Variants in BCAS3 observed in about 807,000 individuals in gnomAD.
BCAS3 encodes the protein BCAS4/BCAS3 fusion.
In BCAS3, 53 loss-of-function variants were observed where a neutral mutation model predicts 116.1. The observed-to-expected ratio is 0.46, with a 90% CI of 0.37 to 0.57. The LOEUF is 0.57. Among genes scored for constraint, BCAS3 ranks in the 20% least tolerant of loss-of-function variants. The pLI, the probability that BCAS3 is intolerant of heterozygous loss-of-function variation, is 0.00. For missense variants in BCAS3, 917 were observed against 1,165.4 expected (o/e 0.79, Z 3.10); for synonymous variants, 391 against 408.2 (o/e 0.96, Z 0.51).
At chr17:60,894,463 G>T (rs1304951198) in intron 10 of BCAS3, among the ~76,000 whole-genome samples, 6 of 152,172 alleles carry the variant, frequency 3.9e-5, no homozygotes, top group Non-Finnish European at 5.9e-5. Flanking sequence ...TTTTGTGCGT[G>T]TGTGTGAAAT....
chr17:60,978,513 C>A (rs1342123627), intron 14 of BCAS3, among the ~76,000 whole-genome samples: 3 of 149,268 alleles, frequency 2.0e-5, no homozygotes, highest in African/African-American at 5.0e-5. Context: ...TTAATTAGAT[C>A]CCATTTGTCA....
At chr17:60,892,500 G>C (rs559157159) in intron 10 of BCAS3, among the ~76,000 whole-genome samples, 2 of 151,712 alleles carry the variant, frequency 1.3e-5, no homozygotes, top group African/African-American at 4.8e-5. Flanking sequence ...GTAGAGATGG[G>C]GTTTCTCCAT....
chr17:60,703,739 C>T (rs1378865039), intron 4 of BCAS3, among the ~76,000 whole-genome samples: 1 of 150,228 alleles, frequency 6.7e-6, no homozygotes, highest in Non-Finnish European at 1.5e-5. Flanking sequence ...ATGGTGAAAC[C>T]CCGTTTCTAC....
chr17:61,183,863 T>G (rs1047562892), intron 22 of BCAS3, among the ~76,000 whole-genome samples: 1 of 152,250 alleles, frequency 6.6e-6, no homozygotes, highest in East Asian at 1.9e-4. Context: ...GAAAATGTTA[T>G]GCCCTTCTCA....
At chr17:61,018,865 A>G (rs992882419) in intron 16 of BCAS3, among the ~76,000 whole-genome samples, 10 of 152,156 alleles carry the variant, frequency 6.6e-5, no homozygotes, top group African/African-American at 1.7e-4. Context: ...TTAATTCCAC[A>G]TAATTGTTGT....
At chr17:61,382,541 C>T (rs1185057340) in intron 23 of BCAS3, among the ~76,000 whole-genome samples, 1 of 151,592 alleles carries the variant, frequency 6.6e-6, no homozygotes, top group Non-Finnish European at 1.5e-5. Context: ...AGATTACAGG[C>T]GTGAGCCACC....
At position 61,050,500 on chromosome 17, in the gene BCAS3, T is replaced by C. The variant is rs1244345629; in HGVS notation, c.2029+9608T>C. Among the ~76,000 whole-genome samples the C allele has an allele frequency of 2.6e-5, 4 of 151,674 alleles. No homozygotes were observed. The East Asian group carries it at 7.7e-4, about 29-fold the overall frequency. On this transcript the variant is annotated intron_variant, in intron 19 of 23. Coordinates refer to ENST00000407086, the MANE Select transcript of BCAS3 (RefSeq NM_017679.5). ...GTAAGATTTTTGTAATATATGTGAG[T>C]GGTATAATATTACCTGAAGGTAAAC...
chr17:60,757,394 A>ATGTGTGTGTGTGTGTGTGTGTG, intron 6 of BCAS3, among the ~76,000 whole-genome samples: 1 of 136,608 alleles, frequency 7.3e-6, no homozygotes, highest in Non-Finnish European at 1.6e-5. Context: ...CAGCATGTAT[A>ATGTGTGTGTGTGTGTGTGTGTG]TGTGTGTGTG....
rs117885404 is a variant in BCAS3 at position 61,306,646 on chromosome 17, C to G, written c.2426-61681C>G. 3.9e-3 allele frequency among the ~76,000 whole-genome samples: 598 copies of G among 152,044 alleles called. 3 individuals are homozygous for G. The highest frequency in any genetic ancestry group is 6.3e-3 in the Non-Finnish European group (429 of 67,986). On this transcript the variant is annotated intron_variant, in intron 22 of 23. Transcript: ENST00000407086. The stretch of plus-strand genomic sequence containing the variant: ...AATAAATTAGCTGGGCATGGTGGTA[C>G]ATGCTTAGAGTAGATCCTACTCGGG...
intron 6 of BCAS3, among the ~76,000 whole-genome samples, chr17:60,748,058 G>A (rs992272277): frequency 1.3e-5 from 2 of 151,848 alleles, no homozygotes; most frequent in Admixed American, 1.3e-4. Flanking sequence ...TAATAATCAT[G>A]TTTGGATACT....
At chr17:61,143,677 C>T (rs1204993205) in intron 22 of BCAS3, among the ~76,000 whole-genome samples, 2 of 152,068 alleles carry the variant, frequency 1.3e-5, no homozygotes, top group South Asian at 2.1e-4. Flanking sequence ...GGCATGGTGG[C>T]GTGTGCATGT....
rs543501602 is a variant in BCAS3, at chr17:60,792,204, T to C, written c.404-15800T>C. On this transcript the variant is annotated intron_variant, in intron 6 of 23. Transcript: ENST00000407086. ...GAGGTGGTGATGGCAGTGGTGGCCATGGCAGTGGCTGCTCCTGGGCTGCAT... is the reference window on the plus strand; with the variant it reads ...GAGGTGGTGATGGCAGTGGTGGCCACGGCAGTGGCTGCTCCTGGGCTGCAT... Among the ~76,000 whole-genome samples the C allele has an allele frequency of 3.3e-5, 5 of 152,312 alleles. No individual in the cohort carries two copies. In the East Asian group the frequency reaches 5.8e-4, roughly 18 times the overall value.
At position 61,073,914 on chromosome 17, in the gene BCAS3, G is replaced by C. The variant is rs2143448266; in HGVS notation, c.2030-1006G>C. On this transcript the variant is annotated intron_variant, in intron 19 of 23. Transcript: ENST00000407086. This position sits in a 1 kb window ranked among gnomAD's most constrained non-coding sequence, Gnocchi z 4.6. The stretch of plus-strand genomic sequence containing the variant: ...ACTTGAGGCCAGGAGTTTGACACCA[G>C]CCTGGTCAACATTGTGAGATCCTGT... Among the ~76,000 whole-genome samples, 1 of 152,078 alleles carries C rather than the reference G, an allele frequency of 6.6e-6. No individual in the cohort carries two copies. The highest frequency in any genetic ancestry group is 2.1e-4 in the South Asian group (1 of 4,822).
rs564908410 is a variant in BCAS3 at position 61,131,647 on chromosome 17, C to T, written c.2425+47083C>T. Among the ~76,000 whole-genome samples the T allele has an allele frequency of 2.0e-5, 3 of 152,302 alleles. No individual in the cohort carries two copies. In the East Asian group the frequency reaches 5.8e-4, roughly 29 times the overall value. On this transcript the variant is annotated intron_variant, in intron 22 of 23. Coordinates refer to ENST00000407086, the MANE Select transcript of BCAS3 (RefSeq NM_017679.5). This position sits in a 1 kb window ranked among gnomAD's most constrained non-coding sequence, Gnocchi z 4.4. ...CTGTGAGCCTCCAGGCCTTTGCAGC[C>T]TGTAGTGGTCTGCACTTCTCTGTTT...
chr17:61,281,063 G>T lies in BCAS3; in HGVS notation c.2426-87264G>T, dbSNP rs372254399. On this transcript the variant is annotated intron_variant, in intron 22 of 23. Transcript: ENST00000407086. The surrounding 1 kb of genome is among the most constrained non-coding windows in gnomAD (Gnocchi z 4.2). ...ACAATCACTGTCAGCAGTTTACTGT[G>T]TATCATTCCAAAGATATTCTGTGCA... Among the ~76,000 whole-genome samples the T allele has an allele frequency of 3.3e-5, 5 of 152,174 alleles. No homozygotes were observed. The highest frequency in any genetic ancestry group is 1.9e-4 in the East Asian group (1 of 5,202).
chr17:61,257,458 A>G (rs1271879962), intron 22 of BCAS3, among the ~76,000 whole-genome samples: 1 of 150,152 alleles, frequency 6.7e-6, no homozygotes, highest in African/African-American at 2.4e-5. Context: ...GAATTCTGGC[A>G]TTCCACCCAT....
At position 60,995,496 on chromosome 17, in the gene BCAS3, C is replaced by A. The variant is rs1285704811; in HGVS notation, c.1486+5261C>A. Among the ~76,000 whole-genome samples the A allele has an allele frequency of 6.6e-6, 1 of 151,900 alleles. No individual in the cohort carries two copies. The highest frequency in any genetic ancestry group is 1.9e-4 in the East Asian group (1 of 5,166). On this transcript the variant is annotated intron_variant, in intron 15 of 23. Transcript: ENST00000407086. The surrounding 1 kb of genome is among the most constrained non-coding windows in gnomAD (Gnocchi z 4.7). ...TATTTTAAGTAGAGACTGGGTTTCA[C>A]AATGTTGGCCAGGCTGGTCTCAAAC...
chr17:60,739,137 A>G (rs2041272381), intron 5 of BCAS3, among the ~76,000 whole-genome samples: 1 of 152,152 alleles, frequency 6.6e-6, no homozygotes, highest in Admixed American at 6.5e-5. Flanking sequence ...GTAGTGCAAT[A>G]CCTAATATTA....
chr17:60,833,991 A>G (rs1171579782), intron 7 of BCAS3, among the ~76,000 whole-genome samples: 1 of 152,000 alleles, frequency 6.6e-6, no homozygotes, highest in African/African-American at 2.4e-5. Context: ...TCACTATAAA[A>G]TAACTGCATA....
Sources: allele counts gnomAD v4.1 joint callset (sites outside exome capture counted in the v4.1 genomes callset), GRCh38; gene constraint gnomAD v4.1.1; non-coding constraint Gnocchi (gnomAD v3.1); transcripts MANE v1.5; gene names NCBI Gene and HGNC (gene_info 2026-07-23, HGNC 2026-07-21).